The following NPM1 variants were observed in gnomAD, a reference collection of about 807,000 sequenced individuals.
The protein encoded by NPM1 is nucleophosmin.
Under a neutral mutation model 44.1 loss-of-function variants are expected in NPM1, and 1 was observed. That is an observed-to-expected ratio of 0.02 (90% confidence interval 0.01 to 0.11). The LOEUF (loss-of-function observed/expected upper bound fraction) is 0.11, where lower values mean the gene tolerates loss of function less well. Among genes scored for constraint, NPM1 ranks in the 10% least tolerant of loss-of-function variants. NPM1 has a pLI of 1.00. For synonymous variants in NPM1, 126 were observed against 111.8 expected (o/e 1.13, Z -0.80); for missense variants, 197 against 347.8 (o/e 0.57, Z 3.45).
upstream of NPM1, among the ~76,000 whole-genome samples, chr5:171,387,435 T>C (rs1214473294): frequency 6.6e-6 from 1 of 152,186 alleles, no homozygotes; most frequent in East Asian, 1.9e-4. Context: ...AGGTGCTCTC[T>C]GGCTCATTCG....
chr5:171,389,304 A>G (rs367615120), intron 1 of NPM1, among the ~76,000 whole-genome samples: 3 of 152,346 alleles, frequency 2.0e-5, no homozygotes, highest in African/African-American at 7.2e-5. Context: ...ATGTATTGGT[A>G]ACGGTTAGAT....
chr5:171,409,274 G>A (rs1481610497), intron 10 of NPM1, among the ~76,000 whole-genome samples: 1 of 152,198 alleles, frequency 6.6e-6, no homozygotes, highest in Non-Finnish European at 1.5e-5. Context: ...CATGATGCAA[G>A]CAACGACAAT....
At chr5:171,388,299 T>C (rs1417917819) in intron 1 of NPM1, among the ~76,000 whole-genome samples, 1 of 152,118 alleles carries the variant, frequency 6.6e-6, no homozygotes, top group Non-Finnish European at 1.5e-5. Flanking sequence ...AAGTTCGGCC[T>C]TTGCCGGGGA....
At chr5:171,405,492 T>C in intron 9 of NPM1, 89 bp downstream of exon 9, 1 of 701,738 alleles carries the variant, frequency 1.4e-6, no homozygotes, top group Non-Finnish European at 2.5e-6. Flanking sequence ...CTTGTTTTTT[T>C]GTTTGTTTTG....
At chr5:171,398,242 G>T (rs1771014719) in intron 6 of NPM1, among the ~76,000 whole-genome samples, 1 of 152,148 alleles carries the variant, frequency 6.6e-6, no homozygotes, top group South Asian at 2.1e-4. Flanking sequence ...TTTGTTGCTT[G>T]TGCCTTTGGT....
At chr5:171,401,271 T>C (rs902039855) in intron 8 of NPM1, among the ~76,000 whole-genome samples, 15 of 151,942 alleles carry the variant, frequency 9.9e-5, no homozygotes, top group African/African-American at 3.6e-4. Context: ...GACAGGAGAA[T>C]TGCTTGAACC....
intron 9 of NPM1, chr5:171,407,042 T>G (rs1771608896): frequency 6.5e-6 from 1 of 152,792 alleles, no homozygotes. Flanking sequence ...AATACTGTTG[T>G]AGTTTCTTGC....
At chr5:171,387,729 T>G (rs1770295614), upstream of NPM1, 1 of 586,030 alleles carries the variant, frequency 1.7e-6, no homozygotes, top group Non-Finnish European at 3.0e-6. Flanking sequence ...TGAAAAGCGC[T>G]TGCGCAGGAC....
At chr5:171,405,655 A>G (rs1433622684) in intron 9 of NPM1, 1 of 434,094 alleles carries the variant, frequency 2.3e-6, no homozygotes, top group African/African-American at 2.1e-5. Flanking sequence ...GTTGCAAGAT[A>G]ACATTCTGAC....
At chr5:171,390,835 G>A (rs185007662) in intron 2 of NPM1, among the ~76,000 whole-genome samples, 1 of 151,820 alleles carries the variant, frequency 6.6e-6, no homozygotes, top group Non-Finnish European at 1.5e-5. Context: ...GTAATTCCCT[G>A]CCTCACCCTC....
chr5:171,395,343 A>T lies in NPM1; in HGVS notation c.524+2365A>T, dbSNP rs540577269. ...TCGGCAAGTCTCGCTCTTGTGCCCC[A>T]GGCTGGTGTGCAATGGTATGATCTC... On this transcript the variant is annotated intron_variant, in intron 6 of 10. Coordinates refer to ENST00000296930, the MANE Select transcript of NPM1 (RefSeq NM_002520.7). 2.6e-5 allele frequency among the ~76,000 whole-genome samples: 4 copies of T among 151,428 alleles called. No individual in the cohort carries two copies. The East Asian group carries it at 7.8e-4, about 29-fold the overall frequency.
Position 171,410,521 on chromosome 5 carries a change from T to C in NPM1, c.847-6T>C, listed in dbSNP as rs745654628. The C allele has an allele frequency of 8.4e-6, 13 of 1,555,458 alleles. No homozygotes were observed. Among genetic ancestry groups the C allele is most frequent in the African/African-American group, 2.8e-5 (2 of 72,346 alleles). On this transcript the variant is annotated splice_polypyrimidine_tract_variant and splice_region_variant and intron_variant, in intron 10 of 10. Coordinates refer to ENST00000296930, the MANE Select transcript of NPM1 (RefSeq NM_002520.7). The stretch of plus-strand genomic sequence containing the variant: ...CTTAACCACATTTCTTTTTTTTTTT[T>C]TCCAGGCTATTCAAGATCTCTGGCA...
rs1238520965 is a variant in NPM1 at position 171,396,729 on chromosome 5, C to T, written c.525-3424C>T. Among the ~76,000 whole-genome samples, 4 of 152,084 alleles carry T rather than the reference C, an allele frequency of 2.6e-5. 1 individual carries two copies. In the East Asian group the frequency reaches 7.7e-4, roughly 29 times the overall value. The stretch of plus-strand genomic sequence containing the variant: ...CTATTAACAGTTCACACCTGTAATC[C>T]CAGCACTTTGGGTGGTCGATGCGGG... On this transcript the variant is annotated intron_variant, in intron 6 of 10. Transcript: ENST00000296930.
intron 6 of NPM1, among the ~76,000 whole-genome samples, chr5:171,397,943 C>A (rs1352117469): frequency 2.7e-5 from 4 of 149,194 alleles, no homozygotes; most frequent in African/African-American, 4.9e-5. Flanking sequence ...GCACCCCCCC[C>A]ACCACGCCCG....
intron 10 of NPM1, 139 bp from the exon 11 acceptor site, chr5:171,410,388 A>G (rs902264817): frequency 6.1e-6 from 3 of 493,668 alleles, no homozygotes; most frequent in Admixed American, 7.8e-5. Context: ...ATTTTCTTGG[A>G]GTCATATCTT....
At chr5:171,405,639 G>A in intron 9 of NPM1, 1 of 463,562 alleles carries the variant, frequency 2.2e-6, no homozygotes, top group South Asian at 2.4e-5. Flanking sequence ...GGAACGTAGT[G>A]CACTGGTTGC....
At chr5:171,399,886 A>G (rs940993209) in intron 6 of NPM1, among the ~76,000 whole-genome samples, 4 of 152,208 alleles carry the variant, frequency 2.6e-5, no homozygotes, top group African/African-American at 9.6e-5. Context: ...TAATGAATAG[A>G]ATCATACAGT....
chr5:171,404,851 G>T (rs1771478206), intron 8 of NPM1, among the ~76,000 whole-genome samples: 1 of 152,014 alleles, frequency 6.6e-6, no homozygotes, highest in African/African-American at 2.4e-5. Context: ...GCACCATTGA[G>T]CACTGAGTGA....
intron 8 of NPM1, 57 bp from the exon 9 acceptor site, chr5:171,405,245 T>G (rs1166162624): frequency 9.5e-6 from 8 of 839,838 alleles, no homozygotes. Context: ...TAGAATGGGT[T>G]TTAATTAGGA....
Sources: allele counts gnomAD v4.1 joint callset (sites outside exome capture counted in the v4.1 genomes callset), GRCh38; gene constraint gnomAD v4.1.1; transcripts MANE v1.5; gene names NCBI Gene and HGNC (gene_info 2026-07-23, HGNC 2026-07-21).